The following ATP8A2 variants were observed in gnomAD, a reference collection of about 807,000 sequenced individuals.
ATP8A2 encodes the protein phospholipid-transporting ATPase IB.
Under a neutral mutation model 165.6 loss-of-function variants are expected in ATP8A2, and 100 were observed. The ratio of observed to expected loss-of-function variants is 0.60; its 90% CI spans 0.51 to 0.71. The LOEUF is 0.71. ATP8A2 is among the 30% of genes least tolerant of loss of function. The pLI is 0.00. For missense variants in ATP8A2, 1,227 were observed against 1,479.5 expected (o/e 0.83, Z 2.80); for synonymous variants, 543 against 548.8 (o/e 0.99, Z 0.15).
At chr13:25,887,832 T>A (rs1953208424) in intron 33 of ATP8A2, among the ~76,000 whole-genome samples, 1 of 152,094 alleles carries the variant, frequency 6.6e-6, no homozygotes, top group South Asian at 2.1e-4. Context: ...TTGTTTGTGT[T>A]TTTTTTTAGT....
chr13:25,584,655 G>A (rs115663305), intron 23 of ATP8A2, among the ~76,000 whole-genome samples: 2,241 of 152,248 alleles, frequency 0.015, 58 homozygotes, highest in African/African-American at 0.05. Flanking sequence ...CCTACTTAAT[G>A]ACCAAACTGG....
At chr13:25,639,866 C>T (rs1358268737) in intron 24 of ATP8A2, among the ~76,000 whole-genome samples, 1 of 152,188 alleles carries the variant, frequency 6.6e-6, no homozygotes, top group Non-Finnish European at 1.5e-5. Flanking sequence ...AAGCACTCCT[C>T]AGCAAATGTA....
At chr13:25,477,782 C>T (rs1418178823) in intron 2 of ATP8A2, among the ~76,000 whole-genome samples, 1 of 152,036 alleles carries the variant, frequency 6.6e-6, no homozygotes, top group Non-Finnish European at 1.5e-5. Context: ...ACTAAAAACA[C>T]AAAAATTAGC....
intron 19 of ATP8A2, among the ~76,000 whole-genome samples, chr13:25,575,285 TC>T (rs1288102556): frequency 2.0e-5 from 3 of 152,356 alleles, no homozygotes; most frequent in East Asian, 3.9e-4. Flanking sequence ...TGAGATCAGT[TC>T]ATCCCATTAG....
At chr13:25,897,842 G>T (rs1041694965) in intron 33 of ATP8A2, among the ~76,000 whole-genome samples, 1 of 152,230 alleles carries the variant, frequency 6.6e-6, no homozygotes, top group Admixed American at 6.5e-5. Context: ...ACTGAGGCTT[G>T]TGCATTCATC....
intron 33 of ATP8A2, among the ~76,000 whole-genome samples, chr13:25,900,276 T>C (rs1953697613): frequency 6.6e-6 from 1 of 152,124 alleles, no homozygotes; most frequent in South Asian, 2.1e-4. Flanking sequence ...TCTTCATGGA[T>C]TACATGTTCA....
chr13:25,498,117 C>T (rs138995954), intron 2 of ATP8A2, among the ~76,000 whole-genome samples: 43 of 152,280 alleles, frequency 2.8e-4, no homozygotes, highest in African/African-American at 1.0e-3. Context: ...GCACCCAATA[C>T]GGGGCAGGTG....
chr13:25,720,167 CTT>C (rs1007404557), intron 25 of ATP8A2, among the ~76,000 whole-genome samples: 8 of 117,256 alleles, frequency 6.8e-5, no homozygotes, highest in African/African-American at 1.9e-4. Flanking sequence ...TATACTTTTT[CTT>C]TTTTTTTTTT....
intron 1 of ATP8A2, among the ~76,000 whole-genome samples, chr13:25,397,721 C>A (rs531503614): frequency 1.3e-5 from 2 of 152,260 alleles, no homozygotes; most frequent in South Asian, 4.1e-4. Context: ...AGAACATGTG[C>A]CCAAGGTGGC....
At position 26,022,034 on chromosome 13, in the gene ATP8A2, C is replaced by G. The variant is rs1215007794; in HGVS notation, c.*2049C>G. On this transcript the variant is annotated 3_prime_UTR_variant, in exon 37 of 37. Transcript: ENST00000381655. ...AACAATGCAATTCACAGGTGAGGCT[C>G]CAAAAAGGGCCATTTCTTTCTCCCC... is the stretch of plus-strand genomic sequence containing the variant. 1 of 152,012 alleles carries G rather than the reference C, an allele frequency of 6.6e-6. No homozygotes were observed. The highest frequency in any genetic ancestry group is 1.5e-5 in the Non-Finnish European group (1 of 68,014). 9.4% of individuals were successfully genotyped at this position (152,012 alleles called of 1,614,324 possible).
intron 25 of ATP8A2, among the ~76,000 whole-genome samples, chr13:25,735,343 T>C (rs2043743806): frequency 6.6e-6 from 1 of 152,142 alleles, no homozygotes; most frequent in African/African-American, 2.4e-5. Flanking sequence ...CACTGCAGCC[T>C]TGACCTCCTG....
At chr13:25,726,383 A>G (rs1193814729) in intron 25 of ATP8A2, among the ~76,000 whole-genome samples, 1 of 152,238 alleles carries the variant, frequency 6.6e-6, no homozygotes, top group African/African-American at 2.4e-5. Flanking sequence ...ACAGATTACC[A>G]CAAAGGTAGT....
In ATP8A2 at chr13:25,946,172, C is replaced by T. The variant is rs563961445; in HGVS notation, c.3184-15403C>T. ...TTCCATCCCAGGTCTGTCTGAATCC[C>T]GAGTCCTCACTCCCGATTCACCACC... is the stretch of plus-strand genomic sequence containing the variant. On this transcript the variant is annotated intron_variant, in intron 33 of 36. Coordinates refer to ENST00000381655, the MANE Select transcript of ATP8A2 (RefSeq NM_016529.6). Among the ~76,000 whole-genome samples, 12 of 152,208 alleles carry T rather than the reference C, an allele frequency of 7.9e-5. 1 individual carries two copies. Among genetic ancestry groups the T allele is most frequent in the Admixed American group, 2.6e-4 (4 of 15,296 alleles).
chr13:25,884,170 T>C (rs1347620632), intron 33 of ATP8A2, among the ~76,000 whole-genome samples: 1 of 152,152 alleles, frequency 6.6e-6, no homozygotes, highest in Non-Finnish European at 1.5e-5. Context: ...CTCCTGAACC[T>C]CCACCTTTGG....
chr13:25,902,631 G>A (rs1282315877), intron 33 of ATP8A2, among the ~76,000 whole-genome samples: 4 of 150,220 alleles, frequency 2.7e-5, no homozygotes, highest in East Asian at 3.9e-4. Flanking sequence ...GTGTATGCAC[G>A]TGTGTGTGCA....
chr13:25,995,051 T>C (rs1190847666), intron 35 of ATP8A2, among the ~76,000 whole-genome samples: 1 of 152,028 alleles, frequency 6.6e-6, no homozygotes, highest in Non-Finnish European at 1.5e-5. Context: ...TTGTGTGAAT[T>C]TTGGTAGTCT....
chr13:25,512,036 T>TC lies in ATP8A2; in HGVS notation c.222-17961dup, dbSNP rs551878942. On this transcript the variant is annotated intron_variant, in intron 2 of 36. Transcript: ENST00000381655. ...TCCTAGGCAGAGGACCCTGCGGCCT[T>TC]CCGCAGTGTTTGTGTCCCTGGGTAC... Among the ~76,000 whole-genome samples the TC allele has an allele frequency of 2.1e-3, 313 of 152,000 alleles. 1 individual carries two copies. The highest frequency in any genetic ancestry group is 3.7e-3 in the Non-Finnish European group (251 of 67,958).
chr13:25,594,901 C>A (rs1218131595), intron 24 of ATP8A2, among the ~76,000 whole-genome samples: 1 of 151,766 alleles, frequency 6.6e-6, no homozygotes, highest in African/African-American at 2.4e-5. Context: ...TATAGCAGCA[C>A]AATTCACAGT....
chr13:25,773,007 G>A (rs888353976), intron 26 of ATP8A2, among the ~76,000 whole-genome samples: 6 of 152,080 alleles, frequency 3.9e-5, no homozygotes, highest in African/African-American at 9.7e-5. Context: ...TGATCTGCCC[G>A]CCTTGGCCTC....
Sources: allele counts gnomAD v4.1 joint callset (sites outside exome capture counted in the v4.1 genomes callset), GRCh38; gene constraint gnomAD v4.1.1; transcripts MANE v1.5; gene names NCBI Gene and HGNC (gene_info 2026-07-23, HGNC 2026-07-21).